The following PABPC4L variants were observed in gnomAD, a reference collection of about 807,000 sequenced individuals.
PABPC4L encodes the protein polyadenylate-binding protein 4-like.
For missense variants in PABPC4L, 452 were observed against 451.4 expected (o/e 1.00, Z -0.01); for synonymous variants, 169 against 164.1 (o/e 1.03, Z -0.23).
chr4:134,185,158 C>T, the PABPC4L span, among the ~76,000 whole-genome samples: 2 of 151,888 alleles, frequency 1.3e-5, no homozygotes, highest in Non-Finnish European at 2.9e-5. Flanking sequence ...TCAATATATT[C>T]CAGCTTATCT....
chr4:134,096,126 G>C, the PABPC4L span, among the ~76,000 whole-genome samples: 2 of 151,970 alleles, frequency 1.3e-5, no homozygotes, highest in East Asian at 3.9e-4. Flanking sequence ...AGTGTTCAAT[G>C]CATTTTAAAT....
chr4:133,976,398 T>C, the PABPC4L span, among the ~76,000 whole-genome samples: 1 of 152,168 alleles, frequency 6.6e-6, no homozygotes. Context: ...CTATTGTGAC[T>C]AGTGCTGCAA....
chr4:134,156,173 T>C, the PABPC4L span, among the ~76,000 whole-genome samples: 1 of 151,962 alleles, frequency 6.6e-6, no homozygotes, highest in Admixed American at 6.6e-5. Context: ...CATTTTATAA[T>C]AGAAATTATT....
the PABPC4L span, among the ~76,000 whole-genome samples, chr4:134,054,540 C>A: frequency 6.6e-6 from 1 of 151,612 alleles, no homozygotes; most frequent in African/African-American, 2.4e-5. Context: ...TGGCCCCTAT[C>A]ACCTCATTAG....
At chr4:134,109,116 G>A in the PABPC4L span, among the ~76,000 whole-genome samples, 1 of 151,826 alleles carries the variant, frequency 6.6e-6, no homozygotes, top group African/African-American at 2.4e-5. Context: ...GGTTTGTAAT[G>A]CTTTTCATAT....
At chr4:134,039,838 T>A in the PABPC4L span, among the ~76,000 whole-genome samples, 58 of 152,118 alleles carry the variant, frequency 3.8e-4, no homozygotes, top group African/African-American at 1.4e-3. Context: ...GTTAATAATC[T>A]CCTTAAGCTG....
chr4:134,172,688 TGC>T, the PABPC4L span, among the ~76,000 whole-genome samples: 1 of 151,976 alleles, frequency 6.6e-6, no homozygotes, highest in African/African-American at 2.4e-5. Context: ...AAAAAGCTTC[TGC>T]ACAGTAAAAA....
chr4:133,984,769 G>A, the PABPC4L span, among the ~76,000 whole-genome samples: 1 of 151,802 alleles, frequency 6.6e-6, no homozygotes, highest in African/African-American at 2.4e-5. Context: ...ACCCCATAGA[G>A]ATTTAAAAGT....
chr4:134,047,687 A>G, the PABPC4L span, among the ~76,000 whole-genome samples: 1 of 152,094 alleles, frequency 6.6e-6, no homozygotes, highest in Non-Finnish European at 1.5e-5. Flanking sequence ...AGGTCTACAA[A>G]GGACTCCACA....
the PABPC4L span, among the ~76,000 whole-genome samples, chr4:134,074,191 T>G: frequency 1.2e-4 from 18 of 152,300 alleles, no homozygotes; most frequent in East Asian, 2.3e-3. Context: ...ACTTAGAAAT[T>G]TCTTCTGCTG....
chr4:134,162,837 T>C, the PABPC4L span, among the ~76,000 whole-genome samples: 1 of 152,068 alleles, frequency 6.6e-6, no homozygotes, highest in Non-Finnish European at 1.5e-5. Context: ...AGACAAGGTA[T>C]AAAGACCTCT....
the PABPC4L span, among the ~76,000 whole-genome samples, chr4:134,165,703 C>T: frequency 6.6e-6 from 1 of 152,096 alleles, no homozygotes; most frequent in East Asian, 1.9e-4. Flanking sequence ...TAAATTAGTA[C>T]AATTCCTATG....
At chr4:134,201,288 T>A in intron 1 of PABPC4L, 43 bp from the exon 2 acceptor site, 1 of 1,425,160 alleles carries the variant, frequency 7.0e-7, no homozygotes, top group Non-Finnish European at 9.3e-7. Context: ...AGACGTTCCT[T>A]CCCCTCAGAT....
At chr4:134,136,577 C>A in the PABPC4L span, among the ~76,000 whole-genome samples, 1 of 151,764 alleles carries the variant, frequency 6.6e-6, no homozygotes, top group Admixed American at 6.6e-5. Flanking sequence ...TTATTATATT[C>A]TTTAGGATTC....
the PABPC4L span, among the ~76,000 whole-genome samples, chr4:133,993,648 G>A: frequency 1.2e-4 from 18 of 152,294 alleles, no homozygotes; most frequent in African/African-American, 4.1e-4. Context: ...TCTGGGCATT[G>A]CAGGATAATA....
the PABPC4L span, among the ~76,000 whole-genome samples, chr4:134,125,390 C>T: frequency 2.6e-5 from 4 of 152,022 alleles, no homozygotes; most frequent in African/African-American, 4.8e-5. Context: ...TATACATGTG[C>T]CATGCTGTTG....
the PABPC4L span, among the ~76,000 whole-genome samples, chr4:134,006,869 T>C: frequency 6.6e-6 from 1 of 151,630 alleles, no homozygotes; most frequent in Non-Finnish European, 1.5e-5. Flanking sequence ...AGTGTGATCT[T>C]CTGCTAACAT....
chr4:134,155,489 T>TACGA, the PABPC4L span, among the ~76,000 whole-genome samples: 1 of 151,354 alleles, frequency 6.6e-6, no homozygotes, highest in Non-Finnish European at 1.5e-5. Context: ...TGTAAACTTC[T>TACGA]GAGATCTATG....
Position 134,200,179 on chromosome 4 carries a change from G to A in PABPC4L, c.841C>T (p.Gln281Ter), listed in dbSNP as rs1478259934. ...RQAELKQMFEQLKRERIRGCQ... is the reference protein window; with the variant it reads ...RQAELKQMFE ...CCACGAATTCGTTCCCTTTTCAGCT[G>A]CTCAAACATTTGCTTTAACTCAGCC... Residue 281 changes from glutamine (Q) to a stop codon, truncating the protein, a stop_gained, in exon 2 of 2, where the codon CAG (glutamine) becomes TAG (stop). Transcript: ENST00000421491. LOFTEE classifies it low-confidence loss of function (END_TRUNC). 8.4e-6 allele frequency: 13 copies of A among 1,551,614 alleles called. No individual in the cohort carries two copies. Among genetic ancestry groups the A allele is most frequent in the Non-Finnish European group, 1.1e-5 (13 of 1,146,960 alleles).
Sources: gnomAD v4.1 joint callset for allele counts (sites outside exome capture counted in the v4.1 genomes callset) on GRCh38, gnomAD v4.1.1 for gene constraint, MANE v1.5 for transcripts, NCBI Gene and HGNC (gene_info 2026-07-23, HGNC 2026-07-21) for gene names.